The following CCDC57 variants were observed in gnomAD, a reference collection of about 807,000 sequenced individuals.
CCDC57 encodes coiled-coil domain-containing protein 57.
In CCDC57, 118 loss-of-function variants were observed where a neutral mutation model predicts 118.9. That is an observed-to-expected ratio of 0.99 (90% CI 0.86 to 1.16). The LOEUF is 1.16. Ranked by LOEUF, CCDC57 falls within the 50% of genes most tolerant of loss-of-function variation. The pLI, the probability that CCDC57 is intolerant of heterozygous loss-of-function variation, is 0.00. For missense variants in CCDC57, 1,300 were observed against 1,320.7 expected (o/e 0.98, Z 0.24); for synonymous variants, 527 against 532.9 (o/e 0.99, Z 0.15).
intron 3 of CCDC57, among the ~76,000 whole-genome samples, chr17:82,201,110 C>G (rs941226361): frequency 7.2e-5 from 11 of 152,156 alleles, no homozygotes; most frequent in Admixed American, 7.2e-4. Context: ...GGGGCCCCAC[C>G]ACAGGCCCCA....
chr17:82,107,787 T>G (rs1202623563), intron 19 of CCDC57, among the ~76,000 whole-genome samples: 1 of 152,146 alleles, frequency 6.6e-6, no homozygotes, highest in Admixed American at 6.5e-5. Flanking sequence ...GATGGGACTC[T>G]GGGAGGGAAC....
intron 19 of CCDC57, chr17:82,126,730 T>C (rs1275028775): frequency 1.0e-6 from 1 of 985,280 alleles, no homozygotes; most frequent in Non-Finnish European, 1.2e-6. Context: ...CGCAAGCCCC[T>C]GGGGCACGTA....
chr17:82,127,630 G>A lies in CCDC57; in HGVS notation c.2899+62C>T, dbSNP rs573257555. 1.1e-4 allele frequency: 169 copies of A among 1,523,194 alleles called. 3 individuals carry two copies. In the South Asian group the frequency reaches 1.3e-3, roughly 12 times the overall value. 94.4% of individuals were successfully genotyped at this position (1,523,194 alleles called of 1,614,324 possible). A position where few individuals can be genotyped will look rare whatever the true frequency, so the allele number is the denominator to read the frequency against. On this transcript the variant is annotated intron_variant, in intron 19 of 19. Coordinates refer to ENST00000665763, the Ensembl canonical transcript of CCDC57. ...GGTGCTGACTCTCCACATGCCCCTC[G>A]GAGAGGGTGGCCCTCGCCAGCTGCC...
At chr17:82,133,088 T>C (rs2038652134) in intron 17 of CCDC57, among the ~76,000 whole-genome samples, 1 of 152,098 alleles carries the variant, frequency 6.6e-6, no homozygotes. Context: ...ATACAAGTTG[T>C]GGCTGGGTGC....
intron 16 of CCDC57, among the ~76,000 whole-genome samples, chr17:82,148,178 G>C (rs1362779978): frequency 6.8e-6 from 1 of 146,574 alleles, no homozygotes; most frequent in Non-Finnish European, 1.5e-5. Flanking sequence ...TGAATAGATA[G>C]GTGGGTGGAT....
At chr17:82,120,502 C>T (rs899290681) in intron 19 of CCDC57, among the ~76,000 whole-genome samples, 2 of 152,216 alleles carry the variant, frequency 1.3e-5, no homozygotes, top group Admixed American at 6.5e-5. Context: ...ACCAGAAACC[C>T]GGTGCCCTTA....
At chr17:82,128,846 C>G (rs2037877239) in intron 17 of CCDC57, among the ~76,000 whole-genome samples, 1 of 152,158 alleles carries the variant, frequency 6.6e-6, no homozygotes, top group Non-Finnish European at 1.5e-5. Flanking sequence ...CATGGCCTGC[C>G]TGGGGTGAGA....
intron 19 of CCDC57, chr17:82,107,563 G>A (rs1006499241): frequency 2.1e-5 from 10 of 470,816 alleles, no homozygotes; most frequent in East Asian, 6.9e-5. Context: ...CCTGGCGCTC[G>A]GCACACTGTG....
At chr17:82,168,703 T>A (rs1401118506) in intron 13 of CCDC57, among the ~76,000 whole-genome samples, 1 of 151,862 alleles carries the variant, frequency 6.6e-6, no homozygotes, top group Non-Finnish European at 1.5e-5. Context: ...CCGAGTGGAT[T>A]AATTAATATC....
chr17:82,172,837 T>C lies in CCDC57; in HGVS notation c.1530A>G (p.Glu510=). The change falls in exon 12 of 20, where the codon GAA becomes GAG. Residue 510 remains glutamate, a synonymous_variant. Transcript: ENST00000665763. The surrounding 1 kb of genome is among the most constrained non-coding windows in gnomAD (Gnocchi z 5.2). Reference sequence around the variant, plus strand: ...TGGATGGAAAGTCTTTACTTATTTCTTCTTCATGCTGCCTGAGAAGCATCT... The same window carrying C: ...TGGATGGAAAGTCTTTACTTATTTCCTCTTCATGCTGCCTGAGAAGCATCT... 1 of 1,612,732 alleles carries C rather than the reference T, an allele frequency of 6.2e-7. No homozygotes were observed. Among genetic ancestry groups the C allele is most frequent in the South Asian group, 1.1e-5 (1 of 90,652 alleles).
Position 82,197,646 on chromosome 17 carries a change from C to T in CCDC57, c.516+668G>A, listed in dbSNP as rs190858710. 4.6e-5 allele frequency among the ~76,000 whole-genome samples: 7 copies of T among 152,284 alleles called. No homozygotes were observed. The South Asian group carries it at 6.2e-4, about 14-fold the overall frequency. ...TTCCATGTGTCAAATGACTGGGCTA[C>T]GGGCTGCCCGGATAGCTGGTAAAAA... On this transcript the variant is annotated intron_variant, in intron 4 of 19. Transcript: ENST00000665763.
At chr17:82,126,574 C>T (rs916059095) in intron 19 of CCDC57, 30 of 985,170 alleles carry the variant, frequency 3.0e-5, no homozygotes, top group South Asian at 4.7e-5. Flanking sequence ...CCAGCAGAGG[C>T]GCTGATGCCA....
exon 10 of CCDC57, chr17:82,179,117 CAGG>C: frequency 6.2e-7 from 1 of 1,613,992 alleles, no homozygotes; most frequent in Non-Finnish European, 8.5e-7. Context: ...GCTGCCAGTC[CAGG>C]CCCAGCTGCA....
At chr17:82,132,650 G>A (rs1284635211) in intron 17 of CCDC57, among the ~76,000 whole-genome samples, 2 of 152,044 alleles carry the variant, frequency 1.3e-5, no homozygotes, top group East Asian at 1.9e-4. Flanking sequence ...GAACTCCTGG[G>A]CTCAAGCAGT....
intron 19 of CCDC57, among the ~76,000 whole-genome samples, chr17:82,104,529 G>A (rs892003053): frequency 1.3e-5 from 2 of 152,138 alleles, no homozygotes; most frequent in Non-Finnish European, 2.9e-5. Context: ...ATACTTGGAG[G>A]GTTTTTTAAA....
At position 82,120,987 on chromosome 17, in the gene CCDC57, C is replaced by T. The variant is rs546427661; in HGVS notation, c.2899+6705G>A. 1.8e-4 allele frequency among the ~76,000 whole-genome samples: 27 copies of T among 152,242 alleles called. No individual in the cohort carries two copies. In the South Asian group the frequency reaches 5.4e-3, roughly 30 times the overall value. ...AGCCAGGATGGTCTCGATCTCCTGA[C>T]CTAGTGATCCACCCACCTCGGCCTC... On this transcript the variant is annotated intron_variant, in intron 19 of 19. Coordinates refer to ENST00000665763, the Ensembl canonical transcript of CCDC57.
At chr17:82,151,108 C>T (rs2041957374) in intron 16 of CCDC57, among the ~76,000 whole-genome samples, 2 of 132,440 alleles carry the variant, frequency 1.5e-5, no homozygotes, top group Admixed American at 7.7e-5. Flanking sequence ...CAGAACCTGA[C>T]CCACACCCAG....
intron 19 of CCDC57, among the ~76,000 whole-genome samples, chr17:82,105,650 G>A (rs8065606): frequency 0.25 from 37,423 of 152,052 alleles, 5,158 homozygotes; most frequent in Non-Finnish European, 0.31. Flanking sequence ...GGGTCACCGT[G>A]GCCCCGGGGC....
intron 1 of CCDC57, among the ~76,000 whole-genome samples, chr17:82,211,848 TGGGAACGC>T (rs980741176): frequency 6.6e-6 from 1 of 152,214 alleles, no homozygotes; most frequent in African/African-American, 2.4e-5. Flanking sequence ...CAGCAGCTCC[TGGGAACGC>T]GCTCGGTTGA....
Sources: gnomAD v4.1 joint callset for allele counts (sites outside exome capture counted in the v4.1 genomes callset) on GRCh38, gnomAD v4.1.1 for gene constraint, Gnocchi (gnomAD v3.1) non-coding constraint, MANE v1.5 for transcripts, NCBI Gene and HGNC (gene_info 2026-07-23, HGNC 2026-07-21) for gene names.